Variants in DLC1 observed in about 807,000 individuals in gnomAD.
DLC1 encodes the protein DLC1 Rho GTPase activating protein.
In DLC1, 54 loss-of-function variants were observed where a neutral mutation model predicts 140.3. The observed-to-expected ratio is 0.38, with a 90% CI of 0.31 to 0.48. The LOEUF (loss-of-function observed/expected upper bound fraction) is 0.48, where lower values mean the gene tolerates loss of function less well. DLC1 is among the 20% of genes least tolerant of loss of function. The pLI is 0.96. For synonymous variants in DLC1, 986 were observed against 728.1 expected, an observed-to-expected ratio of 1.35 and a Z score of -5.70; for missense variants, 2,536 against 1,907.0, an observed-to-expected ratio of 1.33 and a Z score of -6.14.
rs552955130 is a variant in DLC1, at chr8:13,180,285, A to G, written c.1349-64628T>C. 8.1e-4 allele frequency among the ~76,000 whole-genome samples: 123 copies of G among 152,282 alleles called. 4 individuals carry two copies. In the South Asian group the frequency reaches 0.025, roughly 31 times the overall value. On this transcript the variant is annotated intron_variant, in intron 5 of 17. Transcript: ENST00000276297. ...ACTTATGAAGTTTTATTAGTTGTAT[A>G]TGTATCTCTCTTATCCACTTGATCA...
At chr8:13,560,227 C>T (rs1234004846) in intron 1 of DLC1, among the ~76,000 whole-genome samples, 1 of 152,100 alleles carries the variant, frequency 6.6e-6, no homozygotes, top group Non-Finnish European at 1.5e-5. Context: ...AAATCATTGC[C>T]TAATGCTTAA....
At chr8:13,229,831 G>A (rs191111001) in intron 5 of DLC1, among the ~76,000 whole-genome samples, 10 of 152,250 alleles carry the variant, frequency 6.6e-5, no homozygotes, top group South Asian at 2.1e-4. Flanking sequence ...TGTTCACTGC[G>A]CTCAAATTGG....
intron 4 of DLC1, chr8:13,341,969 A>C (rs990424961): frequency 6.6e-6 from 1 of 152,234 alleles, no homozygotes; most frequent in African/African-American, 2.4e-5. Context: ...CTACAAGCTA[A>C]GTGGTATTTA....
chr8:13,474,697 A>G (rs1198040541), intron 2 of DLC1, among the ~76,000 whole-genome samples: 1 of 152,158 alleles, frequency 6.6e-6, no homozygotes, highest in African/African-American at 2.4e-5. Flanking sequence ...CCTCATCTGG[A>G]TGTGAGACAT....
chr8:13,417,591 T>C (rs935626068), intron 2 of DLC1, among the ~76,000 whole-genome samples: 6 of 152,010 alleles, frequency 3.9e-5, no homozygotes, highest in Non-Finnish European at 8.8e-5. Flanking sequence ...GTGCCACATT[T>C]TCTTAATCCA....
At chr8:13,290,170 T>C (rs1287507197) in intron 5 of DLC1, among the ~76,000 whole-genome samples, 2 of 152,196 alleles carry the variant, frequency 1.3e-5, no homozygotes, top group East Asian at 1.9e-4. Context: ...TAATCTGTCT[T>C]AAGCCTTAAG....
At chr8:13,581,771 C>A (rs1434336981) in intron 1 of DLC1, among the ~76,000 whole-genome samples, 1 of 152,158 alleles carries the variant, frequency 6.6e-6, no homozygotes, top group African/African-American at 2.4e-5. Context: ...CTTTATCAGG[C>A]CATGCAAGGT....
At chr8:13,186,575 T>C (rs1165399744) in intron 5 of DLC1, among the ~76,000 whole-genome samples, 1 of 152,178 alleles carries the variant, frequency 6.6e-6, no homozygotes, top group East Asian at 1.9e-4. Flanking sequence ...GATTTTAGTT[T>C]CCTTGCAATG....
chr8:13,472,999 C>T (rs192404367), intron 2 of DLC1, among the ~76,000 whole-genome samples: 1 of 152,096 alleles, frequency 6.6e-6, no homozygotes, highest in East Asian at 1.9e-4. Flanking sequence ...TACCTTTGAA[C>T]TAAGAAGTTA....
intron 5 of DLC1, among the ~76,000 whole-genome samples, chr8:13,248,309 C>T (rs1829851614): frequency 6.6e-6 from 1 of 152,126 alleles, no homozygotes; most frequent in Non-Finnish European, 1.5e-5. Context: ...GACTTGGCTT[C>T]CCCCTTAGCA....
At chr8:13,495,737 G>A (rs1801470736) in intron 2 of DLC1, among the ~76,000 whole-genome samples, 3 of 152,148 alleles carry the variant, frequency 2.0e-5, no homozygotes, top group Admixed American at 2.0e-4. Flanking sequence ...AGAAAACTAA[G>A]CTTTGCAAAA....
chr8:13,384,357 A>T (rs929804524), intron 4 of DLC1, among the ~76,000 whole-genome samples: 7 of 126,752 alleles, frequency 5.5e-5, no homozygotes, highest in African/African-American at 2.0e-4. Flanking sequence ...GAGCAAGACA[A>T]AACTATGTGT....
chr8:13,331,793 G>A (rs1157079849), intron 4 of DLC1, among the ~76,000 whole-genome samples: 1 of 151,996 alleles, frequency 6.6e-6, no homozygotes, highest in Non-Finnish European at 1.5e-5. Context: ...AATTTCAGAA[G>A]CACAAAAATT....
upstream of DLC1, among the ~76,000 whole-genome samples, chr8:13,515,127 A>AC (rs1802543001): frequency 6.6e-6 from 1 of 152,218 alleles, no homozygotes; most frequent in Non-Finnish European, 1.5e-5. Flanking sequence ...AAGAAAACGT[A>AC]GTTTTCTCTC....
At chr8:13,419,945 A>G (rs10105956) in intron 2 of DLC1, among the ~76,000 whole-genome samples, 89,135 of 151,740 alleles carry the variant, frequency 0.59, 27,157 homozygotes, top group Non-Finnish European at 0.69. Flanking sequence ...GTCTTGGGAG[A>G]GTGTATGTGT....
intron 10 of DLC1, chr8:13,095,554 C>A: frequency 3.4e-6 from 1 of 294,270 alleles, no homozygotes; most frequent in South Asian, 6.8e-5. Context: ...GTTGACAGGT[C>A]CGTTTCCTCA....
intron 16 of DLC1, 60 bp downstream of exon 16, chr8:13,088,427 T>C (rs780601902): frequency 1.3e-5 from 20 of 1,557,984 alleles, no homozygotes; most frequent in South Asian, 2.3e-5. Context: ...CAGTGACATA[T>C]AGGCTTGGTT....
chr8:13,431,668 A>T (rs1838879752), intron 2 of DLC1, among the ~76,000 whole-genome samples: 1 of 149,184 alleles, frequency 6.7e-6, no homozygotes, highest in African/African-American at 2.6e-5. Flanking sequence ...GAATGTTCTG[A>T]GAAAAAAGAA....
chr8:13,589,361 C>T (rs542507356), intron 1 of DLC1, among the ~76,000 whole-genome samples: 2 of 152,072 alleles, frequency 1.3e-5, no homozygotes, highest in Non-Finnish European at 1.5e-5. Flanking sequence ...TTCACTGTTA[C>T]AACAGCAAGG....
Sources: allele counts gnomAD v4.1 joint callset (sites outside exome capture counted in the v4.1 genomes callset), GRCh38; gene constraint gnomAD v4.1.1; transcripts MANE v1.5; gene names NCBI Gene and HGNC (gene_info 2026-07-23, HGNC 2026-07-21).